Variants in ANKRD55 observed in about 807,000 individuals in gnomAD.
ANKRD55 encodes ankyrin repeat domain 55.
In ANKRD55, 41 loss-of-function variants were observed where a neutral mutation model predicts 60.6. The observed-to-expected ratio is 0.68, with a 90% confidence interval of 0.53 to 0.88. The LOEUF (loss-of-function observed/expected upper bound fraction) is 0.88, where lower values mean the gene tolerates loss of function less well. Ranked by LOEUF, ANKRD55 falls within the 40% of genes least tolerant of loss-of-function variation. ANKRD55 has a pLI of 0.00. For missense variants in ANKRD55, 732 were observed against 767.6 expected (o/e 0.95, Z 0.55); for synonymous variants, 264 against 290.3 (o/e 0.91, Z 0.92).
Position 56,232,778 on chromosome 5 carries a change from C to T in ANKRD55, c.58+78G>A, listed in dbSNP as rs1009818310. 33 of 1,423,298 alleles carry T rather than the reference C, an allele frequency of 2.3e-5. 1 individual carries two copies. Among genetic ancestry groups the T allele is most frequent in the Non-Finnish European group, 3.3e-5 (33 of 1,010,772 alleles). 88.2% of individuals were successfully genotyped at this position (1,423,298 alleles called of 1,614,324 possible). ...CACACACACACACACACTTCTCTTT[C>T]TCTCCTTACAACTGTAAATCCATAC... On this transcript the variant is annotated intron_variant, in intron 2 of 11. Transcript: ENST00000341048.
At chr5:56,125,102 G>C (rs1294540534) in intron 8 of ANKRD55, among the ~76,000 whole-genome samples, 1 of 152,102 alleles carries the variant, frequency 6.6e-6, no homozygotes, top group Non-Finnish European at 1.5e-5. Flanking sequence ...TCTGTTCAAA[G>C]CTGGTTCTAG....
At chr5:56,171,583 C>T (rs1561279860) in intron 4 of ANKRD55, among the ~76,000 whole-genome samples, 1 of 152,194 alleles carries the variant, frequency 6.6e-6, no homozygotes, top group Admixed American at 6.5e-5. Context: ...CCAAGTTTGG[C>T]TCGCATGCTA....
chr5:56,171,742 CG>C (rs1479623382), intron 4 of ANKRD55, among the ~76,000 whole-genome samples: 3 of 152,150 alleles, frequency 2.0e-5, no homozygotes, highest in African/African-American at 7.2e-5. Flanking sequence ...TTCCTACATT[CG>C]CGTCTAGGTA....
chr5:56,199,107 A>C (rs550665727), intron 2 of ANKRD55, among the ~76,000 whole-genome samples: 26 of 152,076 alleles, frequency 1.7e-4, no homozygotes, highest in African/African-American at 6.0e-4. Context: ...AAACAAACCC[A>C]AAAAAACCCA....
chr5:56,170,706 T>C lies in ANKRD55; in HGVS notation c.410A>G (p.Glu137Gly). 6.2e-7 allele frequency: 1 copy of C among 1,614,134 alleles called. No individual in the cohort carries two copies. The highest frequency in any genetic ancestry group is 8.5e-7 in the Non-Finnish European group (1 of 1,179,980). Reference sequence around the variant, plus strand: ...CCTGGCCACTTACCTCATATCGGGCTCAGCAGTGGCAGCATGCAGTGGCAG... The same window carrying C: ...CCTGGCCACTTACCTCATATCGGGCCCAGCAGTGGCAGCATGCAGTGGCAG... ...GRLPLHAATAEPDMRLLTVLL... is the reference protein window; with the variant it reads ...GRLPLHAATAGPDMRLLTVLL... The change falls in exon 5 of 12, where the codon GAG becomes GGG. Residue 137 changes from glutamate to glycine, a missense_variant. Glu to Gly is a moderately conservative substitution (Grantham distance 98). Around this residue, in one of 3 missense-constraint regions of ANKRD55, gnomAD observed 597 missense variants for 607.5 expected, o/e 0.98. Coordinates refer to ENST00000341048, the MANE Select transcript of ANKRD55 (RefSeq NM_024669.3).
chr5:56,183,376 G>A (rs370937648), intron 3 of ANKRD55, 136 bp downstream of exon 3: 9 of 1,127,300 alleles, frequency 8.0e-6, no homozygotes, highest in East Asian at 2.5e-5. Context: ...TATAAGAGGC[G>A]ATGTGGTACC....
chr5:56,197,840 C>G (rs1482866400), intron 2 of ANKRD55, among the ~76,000 whole-genome samples: 2 of 152,116 alleles, frequency 1.3e-5, no homozygotes, highest in Non-Finnish European at 2.9e-5. Flanking sequence ...AATTTGCTAA[C>G]TGGTTATTTT....
intron 2 of ANKRD55, 36 bp from the exon 3 acceptor site, chr5:56,183,670 G>C (rs752806108): frequency 4.4e-6 from 7 of 1,605,084 alleles, no homozygotes. Flanking sequence ...TTAGTGTGTG[G>C]AGCCAGTTCA....
At chr5:56,204,850 C>T (rs1759462086) in intron 2 of ANKRD55, among the ~76,000 whole-genome samples, 1 of 152,222 alleles carries the variant, frequency 6.6e-6, no homozygotes, top group Non-Finnish European at 1.5e-5. Flanking sequence ...TTACTTTCTT[C>T]TGAATCAAAT....
At chr5:56,139,452 C>G (rs770489029) in intron 7 of ANKRD55, among the ~76,000 whole-genome samples, 20 of 151,978 alleles carry the variant, frequency 1.3e-4, no homozygotes, top group Non-Finnish European at 2.6e-4. Context: ...GGGAGCTCAA[C>G]AAAGAAGGTG....
intron 8 of ANKRD55, among the ~76,000 whole-genome samples, chr5:56,122,109 C>A (rs554901588): frequency 5.3e-5 from 8 of 152,300 alleles, no homozygotes; most frequent in African/African-American, 1.7e-4. Context: ...GATAGAGTTG[C>A]ATCTCTGAAG....
chr5:56,194,674 T>C (rs1759190388), intron 2 of ANKRD55, among the ~76,000 whole-genome samples: 1 of 152,204 alleles, frequency 6.6e-6, no homozygotes, highest in South Asian at 2.1e-4. Flanking sequence ...TTCTCCACTA[T>C]TAATATTAAT....
At chr5:56,139,495 A>C (rs950617641) in intron 7 of ANKRD55, among the ~76,000 whole-genome samples, 2 of 152,210 alleles carry the variant, frequency 1.3e-5, no homozygotes, top group African/African-American at 2.4e-5. Flanking sequence ...ATAAGAAAGA[A>C]TAAGCAGATA....
intron 10 of ANKRD55, among the ~76,000 whole-genome samples, chr5:56,109,912 G>C (rs556001505): frequency 2.0e-4 from 31 of 152,126 alleles, no homozygotes; most frequent in Admixed American, 3.3e-4. Context: ...CAGCTACTTG[G>C]GAGGCTGAGG....
At chr5:56,199,701 T>C (rs992948974) in intron 2 of ANKRD55, among the ~76,000 whole-genome samples, 3 of 151,062 alleles carry the variant, frequency 2.0e-5, no homozygotes, top group Non-Finnish European at 4.4e-5. Flanking sequence ...CCATCCTGGC[T>C]AACACGGTGA....
chr5:56,192,241 G>C (rs979730868), intron 2 of ANKRD55, among the ~76,000 whole-genome samples: 5 of 152,190 alleles, frequency 3.3e-5, no homozygotes, highest in African/African-American at 1.2e-4. Flanking sequence ...ACTTCTGTAC[G>C]GGTGCATAAA....
intron 6 of ANKRD55, among the ~76,000 whole-genome samples, chr5:56,153,230 A>T (rs1758099204): frequency 6.6e-6 from 1 of 151,802 alleles, no homozygotes; most frequent in African/African-American, 2.4e-5. Context: ...AAAATCCAGC[A>T]ACAACTGGGA....
At chr5:56,222,524 G>C (rs890296276) in intron 2 of ANKRD55, among the ~76,000 whole-genome samples, 1 of 152,208 alleles carries the variant, frequency 6.6e-6, no homozygotes, top group African/African-American at 2.4e-5. Context: ...AGAGAAAAAG[G>C]CTTCAGAAGA....
Position 56,171,201 on chromosome 5 carries a change from C to T in ANKRD55, c.313-398G>A, listed in dbSNP as rs189178781. 3.3e-5 allele frequency among the ~76,000 whole-genome samples: 5 copies of T among 152,318 alleles called. No individual in the cohort carries two copies. The East Asian group carries it at 9.6e-4, about 29-fold the overall frequency. On this transcript the variant is annotated intron_variant, in intron 4 of 11. Transcript: ENST00000341048. ...TGCTTATTCAGGTCAGTCCCCCTCCCAGTGCCTAGCAGTCTAACCTGAGCT... is the reference window on the plus strand; with the variant it reads ...TGCTTATTCAGGTCAGTCCCCCTCCTAGTGCCTAGCAGTCTAACCTGAGCT...
Sources: gnomAD v4.1 joint callset for allele counts (sites outside exome capture counted in the v4.1 genomes callset) on GRCh38, gnomAD v4.1.1 for gene constraint, gnomAD v4.1.1 regional missense constraint, MANE v1.5 for transcripts, NCBI Gene and HGNC (gene_info 2026-07-23, HGNC 2026-07-21) for gene names.